Variants in DMD observed in about 807,000 individuals in gnomAD.
The protein encoded by DMD is dystrophin.
Under a neutral mutation model 330.1 loss-of-function variants are expected in DMD, and 63 were observed. The observed-to-expected ratio is 0.19, with a 90% CI of 0.16 to 0.24. DMD has a LOEUF of 0.24. Among genes scored for constraint, DMD ranks in the 10% least tolerant of loss-of-function variants. The probability of loss-of-function intolerance (pLI) is 1.00; values close to 1 mark genes in which losing one functional copy is unlikely to be tolerated. For synonymous variants in DMD, 1,223 were observed against 959.8 expected (o/e 1.27, Z -5.07); for missense variants, 3,344 against 2,684.1 (o/e 1.25, Z -5.43).
intron 17 of DMD, among the ~76,000 whole-genome samples, chrX:32,538,329 C>A (rs1203705094): frequency 9.0e-6 from 1 of 111,479 alleles, no homozygotes; most frequent in South Asian, 3.8e-4. Context: ...CTTAACCGAG[C>A]GATTAACCTT....
intron 60 of DMD, among the ~76,000 whole-genome samples, chrX:31,392,723 A>G (rs959256973): frequency 5.3e-5 from 6 of 112,372 alleles, no homozygotes; most frequent in African/African-American, 1.9e-4. Context: ...CTAATCCTCT[A>G]TTAGGCTCCT....
intron 55 of DMD, among the ~76,000 whole-genome samples, chrX:31,523,411 A>G (rs190163620): frequency 6.3e-5 from 7 of 111,418 alleles, no homozygotes; most frequent in Admixed American, 3.8e-4. Context: ...TTTAAAGGAG[A>G]ACCCCCAAGA....
chrX:31,634,640 C>T (rs2079309566), intron 54 of DMD, among the ~76,000 whole-genome samples: 1 of 111,578 alleles, frequency 9.0e-6, no homozygotes. Context: ...TTGAAAGACA[C>T]ATTTCATCTC....
chrX:33,331,321 T>C (rs2054172841), intron 1 of DMD, among the ~76,000 whole-genome samples: 1 of 111,815 alleles, frequency 8.9e-6, no homozygotes, highest in African/African-American at 3.3e-5. Flanking sequence ...ACACTTGTCA[T>C]AGAACATAAA....
chrX:31,757,687 C>T (rs912346532), intron 51 of DMD, among the ~76,000 whole-genome samples: 3 of 110,144 alleles, frequency 2.7e-5, no homozygotes, highest in Admixed American at 2.0e-4. Flanking sequence ...AGGCAGAGCC[C>T]GCATGACCTA....
chrX:32,789,674 C>T (rs1050029008), intron 7 of DMD, among the ~76,000 whole-genome samples: 1 of 111,817 alleles, frequency 8.9e-6, no homozygotes, highest in Non-Finnish European at 1.9e-5. Flanking sequence ...GCTCTCTAAG[C>T]CTCAGTTTTT....
intron 25 of DMD, among the ~76,000 whole-genome samples, chrX:32,455,248 T>A (rs1341179720): frequency 9.0e-6 from 1 of 111,500 alleles, no homozygotes; most frequent in Non-Finnish European, 1.9e-5. Flanking sequence ...TTCATAATCA[T>A]GTATCTACAG....
At chrX:33,277,187 A>C (rs2053248836) in intron 1 of DMD, among the ~76,000 whole-genome samples, 1 of 111,365 alleles carries the variant, frequency 9.0e-6, no homozygotes, top group South Asian at 3.8e-4. Context: ...TGCATACAGC[A>C]TGATTCCATT....
At chrX:32,777,276 T>TGGGGGGGGGGGGGGG (rs1373161447) in intron 7 of DMD, among the ~76,000 whole-genome samples, 67 of 494 alleles carry the variant, frequency 0.14, 2 homozygotes, top group Admixed American at 0.29. Context: ...TGGTTTCTGG[T>TGGGGGGGGGGGGGGG]TGGGGGGGGA....
chrX:32,063,269 T>G (rs1193161043), intron 44 of DMD, among the ~76,000 whole-genome samples: 1 of 110,181 alleles, frequency 9.1e-6, no homozygotes, highest in Non-Finnish European at 1.9e-5. Flanking sequence ...ACTATAAATC[T>G]TTTGATTAGG....
Position 33,267,993 on chromosome X carries a change from AT to A in DMD, c.7+71265del, listed in dbSNP as rs527255488. On this transcript the variant is annotated intron_variant, in intron 1 of 17. Transcript: ENST00000288447. ...GTCCTTCTTGACATTGGCATTGGCA[AT>A]TTTTTTTTTTTTTTTGACAGAGTCT... Among the ~76,000 whole-genome samples, 528 of 98,197 alleles carry A rather than the reference AT, an allele frequency of 5.4e-3. 1 individual carries two copies. The highest frequency in any genetic ancestry group is 0.011 in the South Asian group (25 of 2,181). The allele number at this position is 98,197 out of a possible 115,157, so 85.3% of individuals were successfully genotyped here.
intron 17 of DMD, among the ~76,000 whole-genome samples, chrX:32,537,635 C>T (rs1016882163): frequency 1.3e-4 from 14 of 111,128 alleles, no homozygotes; most frequent in Non-Finnish European, 1.9e-5. Flanking sequence ...TTTCAGTGCT[C>T]GATGTAGAGT....
At chrX:33,053,830 G>T (rs1014405209) in intron 1 of DMD, among the ~76,000 whole-genome samples, 2 of 109,097 alleles carry the variant, frequency 1.8e-5, no homozygotes, top group African/African-American at 6.7e-5. Context: ...TGATTAGTAC[G>T]TACAATGTCG....
intron 61 of DMD, among the ~76,000 whole-genome samples, chrX:31,334,466 T>A (rs1371970038): frequency 8.9e-6 from 1 of 111,824 alleles, no homozygotes; most frequent in East Asian, 2.8e-4. Flanking sequence ...CACTGTGGAA[T>A]GGATTCCTCC....
chrX:32,206,411 G>T, intron 44 of DMD: 4 of 510,443 alleles, frequency 7.8e-6, no homozygotes, highest in Non-Finnish European at 1.1e-5. Context: ...TTGATGATGA[G>T]GAAACTGAAG....
intron 59 of DMD, among the ~76,000 whole-genome samples, chrX:31,462,038 G>C (rs955845667): frequency 4.5e-5 from 5 of 111,803 alleles, no homozygotes; most frequent in African/African-American, 1.6e-4. Context: ...ATACTCAGTG[G>C]CATTATGTCG....
In DMD at chrX:31,854,535, A is replaced by AT. The variant is rs755501773; in HGVS notation, c.7099-17717dup. On this transcript the variant is annotated intron_variant, in intron 48 of 78. Transcript: ENST00000357033. ...AGAGCCTCTCAGCAATACTATTACC[A>AT]TTTTTTCAGATTAAAAAACTAGAGT... Among the ~76,000 whole-genome samples the AT allele has an allele frequency of 9.0e-5, 10 of 111,285 alleles. No homozygotes were observed. In the South Asian group the frequency reaches 2.3e-3, roughly 26 times the overall value.
intron 7 of DMD, among the ~76,000 whole-genome samples, chrX:32,747,601 C>T (rs181117072): frequency 7.0e-4 from 79 of 112,319 alleles, no homozygotes; most frequent in African/African-American, 2.5e-3. Flanking sequence ...GATCCTCCCG[C>T]CTCAGCGTCC....
intron 47 of DMD, among the ~76,000 whole-genome samples, chrX:31,901,711 A>G (rs1382563316): frequency 8.9e-6 from 1 of 111,742 alleles, no homozygotes; most frequent in Non-Finnish European, 1.9e-5. Context: ...TATTAATATG[A>G]CACTATATTT....
Sources: gnomAD v4.1 joint callset for allele counts (sites outside exome capture counted in the v4.1 genomes callset) on GRCh38, gnomAD v4.1.1 for gene constraint, MANE v1.5 for transcripts, NCBI Gene and HGNC (gene_info 2026-07-23, HGNC 2026-07-21) for gene names.